PLPPR1: variants seen among roughly 807,000 people sequenced by gnomAD.
The protein encoded by PLPPR1 is phospholipid phosphatase-related protein type 1.
Under a neutral mutation model 33.1 loss-of-function variants are expected in PLPPR1, and 10 were observed. That is an observed-to-expected ratio of 0.30 (90% CI 0.19 to 0.51). PLPPR1 has a LOEUF of 0.51. Among genes scored for constraint, PLPPR1 ranks in the 20% least tolerant of loss-of-function variants. The probability of loss-of-function intolerance (pLI) is 0.97; values close to 1 mark genes in which losing one functional copy is unlikely to be tolerated. For synonymous variants in PLPPR1, 151 were observed against 151.0 expected (o/e 1.00, Z 0.00); for missense variants, 304 against 408.1 (o/e 0.74, Z 2.20).
chr9:101,086,422 G>T (rs912152742), intron 1 of PLPPR1, among the ~76,000 whole-genome samples: 1 of 152,106 alleles, frequency 6.6e-6, no homozygotes, highest in Non-Finnish European at 1.5e-5. Context: ...CAAAATGATT[G>T]GACCTTTTTG....
At chr9:101,066,391 T>C (rs1290145382) in intron 1 of PLPPR1, among the ~76,000 whole-genome samples, 1 of 151,916 alleles carries the variant, frequency 6.6e-6, no homozygotes, top group Non-Finnish European at 1.5e-5. Flanking sequence ...CCCCCTTCCA[T>C]ACTTTGGAAG....
At position 101,169,711 on chromosome 9, in the gene PLPPR1, T is replaced by C. The variant is rs146330443; in HGVS notation, c.-45-15739T>C. On this transcript the variant is annotated intron_variant, in intron 1 of 7. Transcript: ENST00000374874. ...CATGTTATCAAATGTTATCAAGGTA[T>C]ATATCTTTTTAAAAAATAATCTAAA... Among the ~76,000 whole-genome samples, 819 of 152,284 alleles carry C rather than the reference T, an allele frequency of 5.4e-3. 8 individuals are homozygous for C. The highest frequency in any genetic ancestry group is 0.019 in the African/African-American group (780 of 41,558).
At chr9:101,230,187 A>T (rs1827151801) in intron 2 of PLPPR1, among the ~76,000 whole-genome samples, 1 of 152,150 alleles carries the variant, frequency 6.6e-6, no homozygotes, top group South Asian at 2.1e-4. Context: ...TAAAACCAGG[A>T]TGTATTCATC....
At chr9:101,147,696 G>T (rs139226391) in intron 1 of PLPPR1, among the ~76,000 whole-genome samples, 1 of 152,022 alleles carries the variant, frequency 6.6e-6, no homozygotes, top group Non-Finnish European at 1.5e-5. Flanking sequence ...TTGGGAGTGT[G>T]GGGGGAAGGG....
intron 1 of PLPPR1, among the ~76,000 whole-genome samples, chr9:101,157,748 T>A (rs560323383): frequency 6.6e-6 from 1 of 152,196 alleles, no homozygotes; most frequent in African/African-American, 2.4e-5. Flanking sequence ...ATGCCTGTAA[T>A]CTCTGCACTT....
chr9:101,100,230 A>T (rs1015674518), intron 1 of PLPPR1, among the ~76,000 whole-genome samples: 3 of 152,150 alleles, frequency 2.0e-5, no homozygotes, highest in Middle Eastern at 3.2e-3. Flanking sequence ...TGATTTAAAG[A>T]ATGTCACACA....
chr9:101,085,777 C>A (rs751837845), intron 1 of PLPPR1, among the ~76,000 whole-genome samples: 2 of 152,080 alleles, frequency 1.3e-5, no homozygotes, highest in African/African-American at 2.4e-5. Flanking sequence ...CTGGGGTAAT[C>A]CGTAAAGTGG....
intron 3 of PLPPR1, among the ~76,000 whole-genome samples, chr9:101,279,911 A>T (rs1048056670): frequency 6.6e-6 from 1 of 152,292 alleles, no homozygotes; most frequent in Admixed American, 6.5e-5. Flanking sequence ...AACTAGAAAA[A>T]CAAGGGCAAA....
At chr9:101,276,229 T>C (rs970187851) in intron 3 of PLPPR1, among the ~76,000 whole-genome samples, 8 of 152,204 alleles carry the variant, frequency 5.3e-5, no homozygotes, top group African/African-American at 1.9e-4. Flanking sequence ...ACTTCCTTTT[T>C]TAAAAAAAAA....
chr9:101,286,309 T>A, intron 4 of PLPPR1, 73 bp downstream of exon 4: 1 of 1,400,526 alleles, frequency 7.1e-7, no homozygotes, highest in Non-Finnish European at 9.8e-7. Context: ...CTTGGTAAAA[T>A]AAACTATGGA....
chr9:101,189,144 CT>C (rs34391210), intron 2 of PLPPR1, among the ~76,000 whole-genome samples: 208 of 152,128 alleles, frequency 1.4e-3, no homozygotes, highest in African/African-American at 4.9e-3. Context: ...CAGGGTGAAG[CT>C]TGGTTTCATA....
At chr9:101,235,697 C>G (rs2118831148) in intron 2 of PLPPR1, among the ~76,000 whole-genome samples, 1 of 151,862 alleles carries the variant, frequency 6.6e-6, no homozygotes, top group East Asian at 1.9e-4. Flanking sequence ...GCAATGCCCC[C>G]TACTGATAAA....
chr9:101,226,477 A>G (rs967305536), intron 2 of PLPPR1, among the ~76,000 whole-genome samples: 1 of 152,186 alleles, frequency 6.6e-6, no homozygotes, highest in Non-Finnish European at 1.5e-5. Context: ...TGTGTTTCTC[A>G]TAGTTCTGGA....
intron 1 of PLPPR1, among the ~76,000 whole-genome samples, chr9:101,047,794 T>C (rs1363269964): frequency 2.6e-5 from 4 of 152,216 alleles, no homozygotes; most frequent in Non-Finnish European, 5.9e-5. Context: ...TTTATAATGC[T>C]CAAAACAGTA....
chr9:101,313,582 A>G (rs764081459), intron 6 of PLPPR1, among the ~76,000 whole-genome samples: 26 of 152,160 alleles, frequency 1.7e-4, no homozygotes, highest in Admixed American at 6.5e-5. Context: ...CCTGGAGAAG[A>G]GTTTTGGTTA....
At chr9:101,260,683 A>G (rs919611919) in intron 2 of PLPPR1, among the ~76,000 whole-genome samples, 8 of 152,268 alleles carry the variant, frequency 5.3e-5, no homozygotes, top group Admixed American at 6.5e-5. Context: ...TGGAGTACCT[A>G]TGGAACACAT....
At chr9:101,138,611 T>G (rs918492979) in intron 1 of PLPPR1, among the ~76,000 whole-genome samples, 11 of 152,326 alleles carry the variant, frequency 7.2e-5, no homozygotes, top group Non-Finnish European at 1.2e-4. Context: ...TTATTAAATT[T>G]GAACCCCAGC....
chr9:101,257,828 TTTTTTTTAGA>T (rs1564018636), intron 2 of PLPPR1, among the ~76,000 whole-genome samples: 1 of 151,442 alleles, frequency 6.6e-6, no homozygotes, highest in African/African-American at 2.4e-5. Flanking sequence ...AAAATCCTAT[TTTTTTTTAGA>T]TTAAGTGGAT....
chr9:101,158,869 G>T (rs1588052339), intron 1 of PLPPR1, among the ~76,000 whole-genome samples: 1 of 152,224 alleles, frequency 6.6e-6, no homozygotes, highest in East Asian at 1.9e-4. Flanking sequence ...AGGCTCAGGG[G>T]TACATGCTAG....
Sources: allele counts gnomAD v4.1 joint callset (sites outside exome capture counted in the v4.1 genomes callset), GRCh38; gene constraint gnomAD v4.1.1; transcripts MANE v1.5; gene names NCBI Gene and HGNC (gene_info 2026-07-23, HGNC 2026-07-21).